Variants in WWOX observed in about 807,000 individuals in gnomAD.
WWOX encodes WW domain-containing oxidoreductase.
Under a neutral mutation model 46.2 loss-of-function variants are expected in WWOX, and 69 were observed. The ratio of observed to expected loss-of-function variants is 1.49; its 90% CI spans 1.23 to 1.82. WWOX has a LOEUF of 1.82. Among genes scored for constraint, WWOX ranks in the 40% most tolerant of loss-of-function variants. The pLI, the probability that WWOX is intolerant of heterozygous loss-of-function variation, is 0.00. For synonymous variants in WWOX, 359 were observed against 202.6 expected (o/e 1.77, Z -6.56); for missense variants, 919 against 542.6 (o/e 1.69, Z -6.89).
At chr16:78,315,898 T>C (rs539393650) in intron 5 of WWOX, among the ~76,000 whole-genome samples, 59 of 152,252 alleles carry the variant, frequency 3.9e-4, no homozygotes, top group Middle Eastern at 3.4e-3. Flanking sequence ...ATTTAACTAC[T>C]CTCCTCGTGT....
chr16:78,706,878 G>A (rs894054358), intron 8 of WWOX, among the ~76,000 whole-genome samples: 5 of 152,118 alleles, frequency 3.3e-5, no homozygotes, highest in Admixed American at 6.6e-5. Context: ...GCTGGCTGCA[G>A]CCTTGACCTT....
Position 79,019,126 on chromosome 16 carries a change from C to A in WWOX, c.1057-192482C>A, listed in dbSNP as rs369301522. Among the ~76,000 whole-genome samples the A allele has an allele frequency of 1.1e-4, 13 of 121,722 alleles. 1 individual carries two copies. The highest frequency in any genetic ancestry group is 4.1e-4 in the African/African-American group (13 of 31,850). The allele number at this position is 121,722 out of a possible 152,430, so 79.9% of individuals were successfully genotyped here. ...TGAGGCAAGATCACACCACTGCCTT[C>A]TAGCCTGGGCAGCAGAGTGCGACCT... On this transcript the variant is annotated intron_variant, in intron 8 of 8. Transcript: ENST00000566780.
intron 8 of WWOX, among the ~76,000 whole-genome samples, chr16:78,451,651 T>A (rs559412480): frequency 6.6e-6 from 1 of 152,270 alleles, no homozygotes; most frequent in South Asian, 2.1e-4. Context: ...GTGGGAGGTG[T>A]GCAGGACACA....
intron 5 of WWOX, among the ~76,000 whole-genome samples, chr16:78,315,838 G>A (rs1027574296): frequency 3.3e-5 from 5 of 151,974 alleles, no homozygotes; most frequent in Non-Finnish European, 5.9e-5. Flanking sequence ...AAAATACATA[G>A]AAGATAAGAA....
chr16:78,615,969 C>G (rs952147634), intron 8 of WWOX, among the ~76,000 whole-genome samples: 1 of 152,110 alleles, frequency 6.6e-6, no homozygotes, highest in Non-Finnish European at 1.5e-5. Flanking sequence ...CCAGGATGGT[C>G]TCGATCTCCT....
intron 8 of WWOX, among the ~76,000 whole-genome samples, chr16:78,671,173 A>G (rs1401823449): frequency 6.6e-6 from 1 of 152,220 alleles, no homozygotes; most frequent in Non-Finnish European, 1.5e-5. Context: ...CTGTAATCCC[A>G]GCACTTTGGG....
chr16:78,676,985 G>T (rs2047615457), intron 8 of WWOX, among the ~76,000 whole-genome samples: 1 of 151,966 alleles, frequency 6.6e-6, no homozygotes, highest in African/African-American at 2.4e-5. Context: ...TTTGCCAAAT[G>T]CATTTTTATT....
chr16:78,851,343 G>T (rs963040831), intron 8 of WWOX, among the ~76,000 whole-genome samples: 1 of 152,188 alleles, frequency 6.6e-6, no homozygotes, highest in Non-Finnish European at 1.5e-5. Context: ...AGGAAGAGAG[G>T]ATGAGAATTT....
chr16:78,272,496 C>T (rs1343576970), intron 5 of WWOX, among the ~76,000 whole-genome samples: 1 of 152,130 alleles, frequency 6.6e-6, no homozygotes, highest in Non-Finnish European at 1.5e-5. Flanking sequence ...TAAGCAGTTA[C>T]AAAACCCACT....
chr16:78,668,259 T>C (rs72794799), intron 8 of WWOX, among the ~76,000 whole-genome samples: 4,672 of 152,280 alleles, frequency 0.031, 94 homozygotes, highest in Non-Finnish European at 0.048. Flanking sequence ...CCAGCCTGTG[T>C]GACAGAGCAA....
chr16:79,135,004 G>T (rs1303165999), intron 8 of WWOX, among the ~76,000 whole-genome samples: 2 of 152,184 alleles, frequency 1.3e-5, no homozygotes, highest in African/African-American at 4.8e-5. Context: ...AAATTGAAAT[G>T]AGGGCTTATG....
intron 8 of WWOX, among the ~76,000 whole-genome samples, chr16:79,080,358 G>A (rs577507760): frequency 7.9e-5 from 12 of 152,254 alleles, no homozygotes; most frequent in South Asian, 2.1e-4. Flanking sequence ...CTCTGTGCAC[G>A]TCGCAGAAGA....
At chr16:78,928,086 C>G (rs74995582) in intron 8 of WWOX, among the ~76,000 whole-genome samples, 69 of 152,164 alleles carry the variant, frequency 4.5e-4, no homozygotes, top group African/African-American at 1.6e-3. Flanking sequence ...GTCGCCTGGA[C>G]TTCAAAAGCC....
At chr16:78,509,114 A>C (rs562699066) in intron 8 of WWOX, among the ~76,000 whole-genome samples, 1 of 152,304 alleles carries the variant, frequency 6.6e-6, no homozygotes, top group East Asian at 1.9e-4. Flanking sequence ...CGTGTAGAAC[A>C]GGACAGGACA....
chr16:78,431,448 C>T (rs564506956), intron 7 of WWOX, among the ~76,000 whole-genome samples: 27 of 152,246 alleles, frequency 1.8e-4, no homozygotes, highest in African/African-American at 6.3e-4. Flanking sequence ...ATATACAGGA[C>T]TCAAGCATTA....
intron 8 of WWOX, among the ~76,000 whole-genome samples, chr16:78,478,147 C>T (rs16947653): frequency 0.054 from 8,219 of 151,958 alleles, 522 homozygotes; most frequent in African/African-American, 0.15. Flanking sequence ...AAGGTATGTA[C>T]GGTTTAAAGT....
chr16:78,356,251 T>C (rs2081288107), intron 5 of WWOX, among the ~76,000 whole-genome samples: 1 of 152,042 alleles, frequency 6.6e-6, no homozygotes, highest in Admixed American at 6.6e-5. Context: ...ATATAAAATA[T>C]ATGTATCATA....
In WWOX at chr16:78,202,402, G is replaced by A. The variant is rs576908651; in HGVS notation, c.516+38113G>A. Among the ~76,000 whole-genome samples, 5 of 152,112 alleles carry A rather than the reference G, an allele frequency of 3.3e-5. No individual in the cohort carries two copies. In the South Asian group the frequency reaches 8.3e-4, roughly 25 times the overall value. On this transcript the variant is annotated intron_variant, in intron 5 of 8. Transcript: ENST00000566780. ...TAGCTGGTCAGGTTTCTTAAATTCC[G>A]TCGATCTGGCTTTATCCATTTTAAG...
chr16:78,429,082 T>C (rs1022100694), intron 7 of WWOX, among the ~76,000 whole-genome samples: 3 of 152,220 alleles, frequency 2.0e-5, no homozygotes, highest in Non-Finnish European at 4.4e-5. Flanking sequence ...TAATTCTGTA[T>C]TGAGTCCTTA....
Sources: gnomAD v4.1 joint callset for allele counts (sites outside exome capture counted in the v4.1 genomes callset) on GRCh38, gnomAD v4.1.1 for gene constraint, MANE v1.5 for transcripts, NCBI Gene and HGNC (gene_info 2026-07-23, HGNC 2026-07-21) for gene names.